The following POLR2F variants were observed in gnomAD, a reference collection of about 807,000 sequenced individuals.
POLR2F encodes DNA-directed RNA polymerases I, II, and III subunit RPABC2.
POLR2F carries 12 observed loss-of-function variants against 22.7 expected under a neutral mutation model. The ratio of observed to expected loss-of-function variants is 0.53; its 90% CI spans 0.34 to 0.86. POLR2F has a LOEUF of 0.86. Among genes scored for constraint, POLR2F ranks in the 40% least tolerant of loss-of-function variants. The probability of loss-of-function intolerance (pLI) is 0.02; values close to 1 mark genes in which losing one functional copy is unlikely to be tolerated. For synonymous variants in POLR2F, 57 were observed against 66.0 expected (o/e 0.86, Z 0.66); for missense variants, 126 against 171.5 (o/e 0.73, Z 1.48).
chr22:37,994,846 T>C (rs944171252), intron 1 of POLR2F, among the ~76,000 whole-genome samples: 3 of 152,180 alleles, frequency 2.0e-5, no homozygotes, highest in East Asian at 1.9e-4. Flanking sequence ...TTCACAATGT[T>C]ACCCAAGCTG....
chr22:37,958,252 G>A (rs1178787600), intron 2 of POLR2F: 7 of 150,836 alleles, frequency 4.6e-5, no homozygotes, highest in African/African-American at 1.7e-4. Flanking sequence ...GCAGTGGGGC[G>A]ATGTTGACTC....
At chr22:38,026,974 G>T (rs1006859243), downstream of POLR2F, among the ~76,000 whole-genome samples, 1 of 152,150 alleles carries the variant, frequency 6.6e-6, no homozygotes, top group Non-Finnish European at 1.5e-5. Flanking sequence ...TGGGTGGGTG[G>T]ATGGACGGGG....
chr22:38,025,717 G>A, intron 1 of POLR2F: 1 of 1,530,836 alleles, frequency 6.5e-7, no homozygotes, highest in Non-Finnish European at 8.8e-7. Flanking sequence ...TTGTACAGAT[G>A]CATAAACTGA....
At chr22:37,972,450 C>A, downstream of POLR2F, 2 of 350,666 alleles carry the variant, frequency 5.7e-6, no homozygotes, top group South Asian at 4.5e-5. Flanking sequence ...GGCTGCAGAA[C>A]AGGAAAATAG....
intron 1 of POLR2F, among the ~76,000 whole-genome samples, chr22:38,000,267 A>C (rs2084757150): frequency 6.6e-6 from 1 of 152,126 alleles, no homozygotes; most frequent in Non-Finnish European, 1.5e-5. Context: ...GTCCAGCCGG[A>C]CCTTCTTATT....
At chr22:37,965,610 A>G (rs1409719629) in intron 3 of POLR2F, among the ~76,000 whole-genome samples, 1 of 152,248 alleles carries the variant, frequency 6.6e-6, no homozygotes, top group Non-Finnish European at 1.5e-5. Context: ...GAAAGTTTAA[A>G]TACTTATTAA....
upstream of POLR2F, chr22:37,983,806 C>A: frequency 7.1e-7 from 1 of 1,416,708 alleles, no homozygotes. The surrounding 1 kb of genome is among the most constrained non-coding windows in gnomAD (Gnocchi z 9.5). Context: ...CCGCCGCCGC[C>A]GCCGCCTCGG....
At chr22:38,003,108 G>A (rs1032794252) in intron 1 of POLR2F, among the ~76,000 whole-genome samples, 3 of 152,170 alleles carry the variant, frequency 2.0e-5, no homozygotes, top group Admixed American at 2.0e-4. Flanking sequence ...GGAGAAAGGC[G>A]AGATACTTGG....
At chr22:38,005,892 T>C (rs940066564) in intron 1 of POLR2F, among the ~76,000 whole-genome samples, 2 of 152,238 alleles carry the variant, frequency 1.3e-5, no homozygotes, top group African/African-American at 4.8e-5. Flanking sequence ...TTTTTTATTG[T>C]ATGTTACAGA....
Position 38,010,903 on chromosome 22 carries a change from C to T in POLR2F, c.121-14966C>T, listed in dbSNP as rs190676360. 1.7e-4 allele frequency among the ~76,000 whole-genome samples: 26 copies of T among 152,186 alleles called. No homozygotes were observed. In the East Asian group the frequency reaches 4.4e-3, roughly 26 times the overall value. Reference sequence around the variant, plus strand: ...AAGTGCTGGGATAACAGGCGTGAGCCACTGCACCCAGCCTTAATGGTGTCT... The same window carrying T: ...AAGTGCTGGGATAACAGGCGTGAGCTACTGCACCCAGCCTTAATGGTGTCT... On this transcript the variant is annotated intron_variant, in intron 1 of 2. Transcript: ENST00000333418.
chr22:37,967,460 A>C, intron 4 of POLR2F, 165 bp from the exon 5 acceptor site: 1 of 1,437,676 alleles, frequency 7.0e-7, no homozygotes, highest in Non-Finnish European at 9.1e-7. Context: ...CTGATATAAA[A>C]ACTTTCTTTT....
intron 4 of POLR2F, among the ~76,000 whole-genome samples, chr22:37,979,695 G>A (rs759664124): frequency 2.0e-5 from 3 of 152,078 alleles, no homozygotes; most frequent in Non-Finnish European, 4.4e-5. Context: ...CCTTGCCACC[G>A]ACTCCAGCCT....
Position 37,986,601 on chromosome 22 carries a change from AC to A in POLR2F, c.120+290del, listed in dbSNP as rs1005588048. ...GAAGCCACGCTAGACAGAAGGGGCC[AC>A]TCCCTCTCTCTCTCCCTTGTCCCCG... On this transcript the variant is annotated intron_variant, in intron 1 of 2. Transcript: ENST00000333418. The surrounding 1 kb of genome is among the most constrained non-coding windows in gnomAD (Gnocchi z 4.7). The A allele has an allele frequency of 2.9e-6, 2 of 692,418 alleles. No individual in the cohort carries two copies. Among genetic ancestry groups the A allele is most frequent in the Non-Finnish European group, 5.2e-6 (2 of 384,744 alleles). 42.9% of individuals were successfully genotyped at this position (692,418 alleles called of 1,614,324 possible). A position where few individuals can be genotyped will look rare whatever the true frequency, so the allele number is the denominator to read the frequency against.
At chr22:38,020,653 G>A (rs1388755906) in intron 1 of POLR2F, among the ~76,000 whole-genome samples, 1 of 151,836 alleles carries the variant, frequency 6.6e-6, no homozygotes, top group Non-Finnish European at 1.5e-5. Flanking sequence ...GAGGTGGGAG[G>A]CTTGCTTGAG....
chr22:37,971,995 C>T (rs1932066695), downstream of POLR2F, among the ~76,000 whole-genome samples: 1 of 150,876 alleles, frequency 6.6e-6, no homozygotes, highest in Admixed American at 6.6e-5. Flanking sequence ...GCTGTCCTAA[C>T]ACTCTCCATT....
chr22:37,986,359 G>T lies in POLR2F; in HGVS notation c.120+47G>T, dbSNP rs1932578688. 2 of 1,528,674 alleles carry T rather than the reference G, an allele frequency of 1.3e-6. No individual in the cohort carries two copies. The highest frequency in any genetic ancestry group is 2.4e-5 in the East Asian group (1 of 40,828). 94.7% of individuals were successfully genotyped at this position (1,528,674 alleles called of 1,614,324 possible). A position where few individuals can be genotyped will look rare whatever the true frequency, so the allele number is the denominator to read the frequency against. On this transcript the variant is annotated intron_variant, in intron 1 of 2. Coordinates refer to the POLR2F transcript ENST00000333418. The surrounding 1 kb of genome is among the most constrained non-coding windows in gnomAD (Gnocchi z 4.7). ...CACCCCTCAGTTCCTCCTCTTTGAG[G>T]AAAGGACCTCCCCGCTCTCTGCTGT...
chr22:38,005,424 C>G (rs192015428), intron 1 of POLR2F, among the ~76,000 whole-genome samples: 168 of 152,278 alleles, frequency 1.1e-3, no homozygotes, highest in Middle Eastern at 3.4e-3. Flanking sequence ...CCTCGAATGC[C>G]AGATTTAAGA....
At chr22:38,034,654 G>A (rs944548399) in intron 5 of POLR2F, among the ~76,000 whole-genome samples, 2 of 152,190 alleles carry the variant, frequency 1.3e-5, no homozygotes, top group Non-Finnish European at 2.9e-5. Context: ...GTAAAATGGG[G>A]ATAATAATAG....
In POLR2F at chr22:37,986,339, C is replaced by T; in HGVS notation, c.120+27C>T. ...TGGGTCCCCACTCATCCTTCCACCC[C>T]TCAGTTCCTCCTCTTTGAGGAAAGG... On this transcript the variant is annotated intron_variant, in intron 1 of 2. Transcript: ENST00000333418. This position sits in a 1 kb window ranked among gnomAD's most constrained non-coding sequence, Gnocchi z 4.7. The T allele has an allele frequency of 2.0e-6, 3 of 1,532,048 alleles. No homozygotes were observed. The highest frequency in any genetic ancestry group is 2.6e-6 in the Non-Finnish European group (3 of 1,143,896). 94.9% of individuals were successfully genotyped at this position (1,532,048 alleles called of 1,614,324 possible). A position where few individuals can be genotyped will look rare whatever the true frequency, so the allele number is the denominator to read the frequency against.
Sources: allele counts gnomAD v4.1 joint callset (sites outside exome capture counted in the v4.1 genomes callset), GRCh38; gene constraint gnomAD v4.1.1; non-coding constraint Gnocchi (gnomAD v3.1); transcripts MANE v1.5; gene names NCBI Gene and HGNC (gene_info 2026-07-23, HGNC 2026-07-21).